The following ARHGAP39 variants were observed in gnomAD, a reference collection of about 807,000 sequenced individuals.
ARHGAP39 encodes Rho GTPase activating protein 39.
ARHGAP39 carries 44 observed loss-of-function variants against 106.9 expected under a neutral mutation model. The ratio of observed to expected loss-of-function variants is 0.41; its 90% confidence interval spans 0.32 to 0.53. ARHGAP39 has a LOEUF of 0.53. Ranked by LOEUF, ARHGAP39 falls within the 20% of genes least tolerant of loss-of-function variation. ARHGAP39 has a pLI of 0.21. For synonymous variants in ARHGAP39, 768 were observed against 693.2 expected (o/e 1.11, Z -1.69); for missense variants, 1,496 against 1,577.3 (o/e 0.95, Z 0.87).
rs556200064 is a variant in ARHGAP39, at chr8:144,600,940, G to A, written c.80+4595C>T. The stretch of plus-strand genomic sequence containing the variant: ...CTCATGTACCTGTGTGTGTGTGGAG[G>A]CATGTGTGTGCTCGTATACCTGTGT... On this transcript the variant is annotated intron_variant, in intron 2 of 11. Coordinates refer to ENST00000377307, the MANE Select transcript of ARHGAP39 (RefSeq NM_025251.3). 4.7e-5 allele frequency among the ~76,000 whole-genome samples: 7 copies of A among 147,926 alleles called. No homozygotes were observed. In the East Asian group the frequency reaches 8.1e-4, roughly 17 times the overall value.
At chr8:144,617,212 A>C (rs1370641698) in intron 1 of ARHGAP39, among the ~76,000 whole-genome samples, 1 of 152,066 alleles carries the variant, frequency 6.6e-6, no homozygotes, top group Non-Finnish European at 1.5e-5. Context: ...GTGTAAAAAA[A>C]AAAAAACACC....
At chr8:144,640,806 A>G (rs1007903987) in intron 1 of ARHGAP39, among the ~76,000 whole-genome samples, 2 of 152,152 alleles carry the variant, frequency 1.3e-5, no homozygotes, top group African/African-American at 4.8e-5. Context: ...TAACCTCTCT[A>G]AATCCCGATA....
chr8:144,620,565 G>A (rs566898033), intron 1 of ARHGAP39, among the ~76,000 whole-genome samples: 4 of 151,914 alleles, frequency 2.6e-5, no homozygotes, highest in Admixed American at 6.5e-5. Flanking sequence ...GCGTGAGCTT[G>A]TGTGTCCATG....
chr8:144,682,548 C>CA (rs1041779842), intron 1 of ARHGAP39, among the ~76,000 whole-genome samples: 875 of 69,666 alleles, frequency 0.013, 6 homozygotes, highest in South Asian at 0.043. Flanking sequence ...GACTCTGTCT[C>CA]AAAAAAAAAA....
At chr8:144,568,573 TA>T (rs1446611705) in intron 3 of ARHGAP39, among the ~76,000 whole-genome samples, 1 of 152,152 alleles carries the variant, frequency 6.6e-6, no homozygotes, top group Admixed American at 6.6e-5. Context: ...CTTTAAATGA[TA>T]ACTGACTGTT....
intron 11 of ARHGAP39, 37 bp downstream of exon 11, chr8:144,530,660 CGGGGA>C: frequency 2.2e-5 from 5 of 231,758 alleles, no homozygotes; most frequent in Non-Finnish European, 2.9e-5. Flanking sequence ...GGGGGCGGGG[CGGGGA>C]GGGGAAAGCA....
At chr8:144,532,517 C>G in intron 9 of ARHGAP39, 121 bp from the exon 10 acceptor site, 1 of 806,816 alleles carries the variant, frequency 1.2e-6, no homozygotes, top group Non-Finnish European at 2.0e-6. Flanking sequence ...ACCTCAGGAC[C>G]CCCCGCCACC....
intron 9 of ARHGAP39, 42 bp downstream of exon 9, chr8:144,533,084 G>A (rs759347265): frequency 1.3e-6 from 2 of 1,577,590 alleles, no homozygotes; most frequent in East Asian, 2.2e-5. Flanking sequence ...GTGGACACAT[G>A]GCTGTGGCCC....
chr8:144,693,574 C>T, the ARHGAP39 span, among the ~76,000 whole-genome samples: 1 of 151,502 alleles, frequency 6.6e-6, no homozygotes, highest in Non-Finnish European at 1.5e-5. Flanking sequence ...GGGGTTTCAC[C>T]GTGTTAGCCA....
At chr8:144,580,819 G>A (rs1462437785) in intron 3 of ARHGAP39, 27 bp downstream of exon 3, 2 of 1,093,102 alleles carry the variant, frequency 1.8e-6, no homozygotes, top group South Asian at 2.0e-5. Context: ...ACCTGGCCCC[G>A]CCCATAGCAG....
At position 144,671,177 on chromosome 8, in the gene ARHGAP39, C is replaced by T. The variant is rs1001239029; in HGVS notation, c.-82+14509G>A. ...GCCTATGTTGGGTGTCTCACCCATG[C>T]CAGGCTCTGCGGGTCACTGACAAGA... On this transcript the variant is annotated intron_variant, in intron 1 of 11. Coordinates refer to ENST00000377307, the MANE Select transcript of ARHGAP39 (RefSeq NM_025251.3). The surrounding 1 kb of genome is among the most constrained non-coding windows in gnomAD (Gnocchi z 4.5). 6.6e-6 allele frequency among the ~76,000 whole-genome samples: 1 copy of T among 152,222 alleles called. No individual in the cohort carries two copies. The highest frequency in any genetic ancestry group is 2.1e-4 in the South Asian group (1 of 4,834).
At position 144,641,872 on chromosome 8, in the gene ARHGAP39, G is replaced by A. The variant is rs111240715; in HGVS notation, c.-81-36177C>T. ...AGGAGGGGTACCTGCCACAAGCTCC[G>A]GGTGGGCCACTGCAGCCACCCACTA... On this transcript the variant is annotated intron_variant, in intron 1 of 11. Coordinates refer to ENST00000377307, the MANE Select transcript of ARHGAP39 (RefSeq NM_025251.3). This position sits in a 1 kb window ranked among gnomAD's most constrained non-coding sequence, Gnocchi z 5.2. Among the ~76,000 whole-genome samples the A allele has an allele frequency of 3.3e-5, 5 of 152,214 alleles. No individual in the cohort carries two copies. The highest frequency in any genetic ancestry group is 3.8e-4 in the East Asian group (2 of 5,200).
chr8:144,686,816 C>A (rs922098349), upstream of ARHGAP39, among the ~76,000 whole-genome samples: 13 of 152,072 alleles, frequency 8.5e-5, no homozygotes, highest in East Asian at 1.9e-4. Flanking sequence ...CAACCCTTCT[C>A]CTCCATGACT....
intron 1 of ARHGAP39, among the ~76,000 whole-genome samples, chr8:144,676,248 G>A (rs554511372): frequency 1.3e-5 from 2 of 152,322 alleles, no homozygotes; most frequent in African/African-American, 2.4e-5. Context: ...TGATTGGTCC[G>A]TTTTGACAGG....
chr8:144,549,366 G>A (rs1817610035), intron 4 of ARHGAP39, among the ~76,000 whole-genome samples: 1 of 152,220 alleles, frequency 6.6e-6, no homozygotes, highest in Non-Finnish European at 1.5e-5. Flanking sequence ...TGGCTATTTG[G>A]GACGCATAGC....
chr8:144,601,342 G>A (rs1211524596), intron 2 of ARHGAP39, among the ~76,000 whole-genome samples: 3 of 141,482 alleles, frequency 2.1e-5, no homozygotes, highest in Non-Finnish European at 1.6e-5. Flanking sequence ...GTGTGCTCGT[G>A]TACCTGTGTG....
intron 4 of ARHGAP39, among the ~76,000 whole-genome samples, chr8:144,554,949 C>G (rs1364502774): frequency 6.6e-6 from 1 of 152,050 alleles, no homozygotes; most frequent in Non-Finnish European, 1.5e-5. Flanking sequence ...CGGACACCCA[C>G]CCCCCTACAG....
chr8:144,602,584 G>C (rs1001133642), intron 2 of ARHGAP39, among the ~76,000 whole-genome samples: 1 of 145,300 alleles, frequency 6.9e-6, no homozygotes, highest in African/African-American at 2.6e-5. Context: ...CTGTGTGCAT[G>C]TGTGTGGAGG....
chr8:144,556,464 C>G (rs1817924173), intron 3 of ARHGAP39, among the ~76,000 whole-genome samples: 2 of 152,098 alleles, frequency 1.3e-5, no homozygotes, highest in Admixed American at 6.6e-5. Flanking sequence ...CTCAGTAGTC[C>G]AGAAGTAGAA....
Sources: allele counts gnomAD v4.1 joint callset (sites outside exome capture counted in the v4.1 genomes callset), GRCh38; gene constraint gnomAD v4.1.1; non-coding constraint Gnocchi (gnomAD v3.1); transcripts MANE v1.5; gene names NCBI Gene and HGNC (gene_info 2026-07-23, HGNC 2026-07-21).